KCNIP1: variants seen among roughly 807,000 people sequenced by gnomAD.
KCNIP1 encodes the protein A-type potassium channel modulatory protein KCNIP1.
In KCNIP1, 18 loss-of-function variants were observed where a neutral mutation model predicts 33.0. The observed-to-expected ratio is 0.55, with a 90% CI of 0.38 to 0.81. The LOEUF (loss-of-function observed/expected upper bound fraction) is 0.81. Among genes scored for constraint, KCNIP1 ranks in the 30% least tolerant of loss-of-function variants. KCNIP1 has a pLI of 0.00. For missense variants in KCNIP1, 238 were observed against 271.6 expected (o/e 0.88, Z 0.87); for synonymous variants, 93 against 98.3 (o/e 0.95, Z 0.32).
intron 1 of KCNIP1, among the ~76,000 whole-genome samples, chr5:170,652,087 AG>A (rs1210132722): frequency 6.6e-6 from 1 of 151,852 alleles, no homozygotes; most frequent in Non-Finnish European, 1.5e-5. Context: ...GCTGTGGGGG[AG>A]GGGGAGACAG....
chr5:170,357,179 T>C (rs545536557), intron 1 of KCNIP1, among the ~76,000 whole-genome samples: 13 of 152,058 alleles, frequency 8.5e-5, no homozygotes, highest in East Asian at 1.9e-4. Flanking sequence ...GGAGCACAGT[T>C]GGTTTCTAGA....
intron 1 of KCNIP1, among the ~76,000 whole-genome samples, chr5:170,381,796 A>G (rs1196568340): frequency 6.6e-6 from 1 of 152,198 alleles, no homozygotes; most frequent in Non-Finnish European, 1.5e-5. Context: ...GGAGAATGTT[A>G]CCAGTTATTG....
At chr5:170,632,703 C>T (rs540128882) in intron 1 of KCNIP1, among the ~76,000 whole-genome samples, 1 of 152,240 alleles carries the variant, frequency 6.6e-6, no homozygotes, top group African/African-American at 2.4e-5. Context: ...TGTGCCTTCT[C>T]TGGGGGGACA....
intron 1 of KCNIP1, among the ~76,000 whole-genome samples, chr5:170,594,961 G>T (rs1005150208): frequency 3.3e-5 from 5 of 152,236 alleles, no homozygotes; most frequent in African/African-American, 1.2e-4. Context: ...GTTTGGCCAT[G>T]CAGTTTTAAA....
At chr5:170,587,549 G>C (rs768398300) in intron 1 of KCNIP1, among the ~76,000 whole-genome samples, 6 of 152,038 alleles carry the variant, frequency 3.9e-5, no homozygotes, top group African/African-American at 2.4e-5. Context: ...CCTTCCGGGG[G>C]CTCCAGGGGA....
intron 1 of KCNIP1, among the ~76,000 whole-genome samples, chr5:170,632,760 G>A (rs1435855373): frequency 2.0e-5 from 3 of 152,238 alleles, no homozygotes; most frequent in African/African-American, 7.2e-5. Flanking sequence ...TAGAATCCCA[G>A]TTCTGCACTT....
chr5:170,509,694 T>C (rs1754860540), intron 1 of KCNIP1, among the ~76,000 whole-genome samples: 1 of 152,208 alleles, frequency 6.6e-6, no homozygotes, highest in South Asian at 2.1e-4. Flanking sequence ...GAATGAATGA[T>C]GAAGTGCCAG....
intron 1 of KCNIP1, among the ~76,000 whole-genome samples, chr5:170,514,879 T>A (rs1481262046): frequency 6.6e-6 from 1 of 152,220 alleles, no homozygotes; most frequent in African/African-American, 2.4e-5. Flanking sequence ...CTTGTGACAT[T>A]TATATAGCAA....
intron 1 of KCNIP1, chr5:170,560,969 G>A (rs1757015782): frequency 2.8e-6 from 1 of 359,600 alleles, no homozygotes; most frequent in Middle Eastern, 5.6e-4. Flanking sequence ...ACAAGAAGGA[G>A]TCCCCTCTGG....
intron 1 of KCNIP1, among the ~76,000 whole-genome samples, chr5:170,664,719 TG>T (rs1761638551): frequency 6.6e-6 from 1 of 152,040 alleles, no homozygotes. Context: ...TTCAGTTTAG[TG>T]GGGAGCAAAG....
intron 1 of KCNIP1, among the ~76,000 whole-genome samples, chr5:170,508,161 C>T (rs141287333): frequency 4.5e-4 from 69 of 152,346 alleles, no homozygotes; most frequent in Admixed American, 3.6e-3. Flanking sequence ...TCCCACACTA[C>T]AGGGGTGGCT....
rs1193093609 is a variant in KCNIP1 at position 170,475,743 on chromosome 5, A to G, written c.88+121779A>G. Among the ~76,000 whole-genome samples the G allele has an allele frequency of 2.6e-5, 4 of 151,904 alleles. No individual in the cohort carries two copies. In the East Asian group the frequency reaches 5.8e-4, roughly 22 times the overall value. ...CCAAAACAGACTGATTATCTAGCCC[A>G]CCTCCATGTCCTCCCCTCCTTCCCC... On this transcript the variant is annotated intron_variant, in intron 1 of 7. Coordinates refer to the KCNIP1 transcript ENST00000377360.
chr5:170,392,054 G>A (rs547216017), intron 1 of KCNIP1, among the ~76,000 whole-genome samples: 82 of 152,316 alleles, frequency 5.4e-4, no homozygotes, highest in African/African-American at 1.9e-3. Context: ...TCAAGGCTAA[G>A]TCATAGACGG....
At chr5:170,530,518 C>G (rs1204441483) in intron 1 of KCNIP1, among the ~76,000 whole-genome samples, 1 of 152,236 alleles carries the variant, frequency 6.6e-6, no homozygotes, top group Non-Finnish European at 1.5e-5. Context: ...CTATCTGCCT[C>G]TCATACCCAG....
intron 1 of KCNIP1, among the ~76,000 whole-genome samples, chr5:170,652,498 A>AAAAAGGAAGGAAGGAAGG (rs33995162): frequency 9.7e-6 from 1 of 103,056 alleles, no homozygotes; most frequent in African/African-American, 4.3e-5. Flanking sequence ...AAAAAAAAAA[A>AAAAAGGAAGGAAGGAAGG]AAGGAAGGAA....
chr5:170,701,154 C>G (rs753428048), intron 1 of KCNIP1, among the ~76,000 whole-genome samples: 1 of 152,192 alleles, frequency 6.6e-6, no homozygotes. Context: ...ACTTCCCTAC[C>G]CCACAATCGC....
intron 1 of KCNIP1, among the ~76,000 whole-genome samples, chr5:170,434,816 G>A (rs958466714): frequency 1.3e-5 from 2 of 152,148 alleles, no homozygotes; most frequent in African/African-American, 2.4e-5. Flanking sequence ...TCAGCCGGGC[G>A]TGGTGGCACG....
At chr5:170,728,796 A>G (rs1474938922) in intron 5 of KCNIP1, among the ~76,000 whole-genome samples, 1 of 152,142 alleles carries the variant, frequency 6.6e-6, no homozygotes, top group Non-Finnish European at 1.5e-5. Flanking sequence ...AATTTGGCAC[A>G]ATTGTTATAA....
At chr5:170,448,786 T>C (rs1003663312) in intron 1 of KCNIP1, among the ~76,000 whole-genome samples, 14 of 152,182 alleles carry the variant, frequency 9.2e-5, no homozygotes, top group Admixed American at 7.9e-4. Context: ...CAAAAATGAC[T>C]CGTTTCCATA....
Sources: gnomAD v4.1 joint callset for allele counts (sites outside exome capture counted in the v4.1 genomes callset) on GRCh38, gnomAD v4.1.1 for gene constraint, MANE v1.5 for transcripts, NCBI Gene and HGNC (gene_info 2026-07-23, HGNC 2026-07-21) for gene names.